The following RGS22 variants were observed in gnomAD, a reference collection of about 807,000 sequenced individuals.
The protein encoded by RGS22 is regulator of G protein signaling 22, also known as regulator of G-protein signaling 22.
In RGS22, 148 loss-of-function variants were observed where a neutral mutation model predicts 172.9. That is an observed-to-expected ratio of 0.86 (90% CI 0.75 to 0.98). The LOEUF (loss-of-function observed/expected upper bound fraction) is 0.98, where lower values mean the gene tolerates loss of function less well. RGS22 is among the 50% of genes least tolerant of loss of function. The pLI is 0.00. For synonymous variants in RGS22, 458 were observed against 480.2 expected, an observed-to-expected ratio of 0.95 and a Z score of 0.60; for missense variants, 1,347 against 1,440.8, an observed-to-expected ratio of 0.93 and a Z score of 1.05.
At chr8:99,971,766 A>G (rs1811381270) in intron 23 of RGS22, among the ~76,000 whole-genome samples, 1 of 152,240 alleles carries the variant, frequency 6.6e-6, no homozygotes, top group Non-Finnish European at 1.5e-5. Context: ...GCTCATGGAT[A>G]GGAAGAATCA....
chr8:99,989,258 G>A (rs547079550), intron 20 of RGS22, among the ~76,000 whole-genome samples: 2 of 152,162 alleles, frequency 1.3e-5, no homozygotes, highest in Admixed American at 6.5e-5. Context: ...ACCTGCAGAA[G>A]GATAAATACA....
intron 10 of RGS22, among the ~76,000 whole-genome samples, chr8:100,050,602 G>T (rs907595688): frequency 2.0e-5 from 3 of 152,132 alleles, no homozygotes; most frequent in Non-Finnish European, 4.4e-5. Context: ...CAGTTAACAG[G>T]TGACACCTTT....
At chr8:100,094,523 T>C (rs1317888960) in intron 2 of RGS22, among the ~76,000 whole-genome samples, 1 of 152,148 alleles carries the variant, frequency 6.6e-6, no homozygotes, top group Non-Finnish European at 1.5e-5. Context: ...TTATAAACAA[T>C]CACTTATAGA....
At chr8:100,072,064 G>A (rs756492969) in intron 5 of RGS22, 81 bp downstream of exon 5, 8 of 785,618 alleles carry the variant, frequency 1.0e-5, no homozygotes, top group Admixed American at 5.1e-5. Flanking sequence ...CACACATGGT[G>A]GCATACAGCT....
chr8:100,070,914 A>G (rs1470336020), intron 6 of RGS22, among the ~76,000 whole-genome samples: 2 of 151,224 alleles, frequency 1.3e-5, no homozygotes, highest in Non-Finnish European at 2.9e-5. Flanking sequence ...GCATAAATCT[A>G]TAAGAAGTAT....
rs779884584 is a variant in RGS22, at chr8:100,053,999, C to T, written c.1515-1023G>A. Among the ~76,000 whole-genome samples, 3 of 152,256 alleles carry T rather than the reference C, an allele frequency of 2.0e-5. No individual in the cohort carries two copies. In the South Asian group the frequency reaches 6.2e-4, roughly 32 times the overall value. On this transcript the variant is annotated intron_variant, in intron 9 of 27. Transcript: ENST00000360863. ...GGTTATAATGCATACTATTTATTTT[C>T]AAGCCTTAAATTTGAAGGTAAGAAT...
chr8:99,996,527 G>A lies in RGS22; in HGVS notation c.2953C>T (p.Gln985Ter). The change falls in exon 20 of 28, where the codon CAG (glutamine) becomes TAG (stop). Residue 985 changes from glutamine to a stop codon, truncating the protein, a stop_gained. Coordinates refer to ENST00000360863, the MANE Select transcript of RGS22 (RefSeq NM_015668.5). LOFTEE classifies it high-confidence loss of function. ...QFAARQKIKV[Q>*]MKDIAEELLL... The stretch of plus-strand genomic sequence containing the variant: ...AGCTCTTCTGCTATGTCTTTCATCT[G>A]TACCTGAAAGCAAAACCAATTATTT... The A allele has an allele frequency of 6.2e-7, 1 of 1,611,914 alleles. No individual in the cohort carries two copies. The highest frequency in any genetic ancestry group is 1.1e-5 in the South Asian group (1 of 90,742).
chr8:99,967,859 C>T (rs1810917404), intron 23 of RGS22, among the ~76,000 whole-genome samples: 1 of 152,210 alleles, frequency 6.6e-6, no homozygotes, highest in African/African-American at 2.4e-5. Flanking sequence ...CAAAAGATCT[C>T]CCAGCACAGT....
intron 10 of RGS22, among the ~76,000 whole-genome samples, chr8:100,047,962 TG>T (rs33995754): frequency 0.66 from 99,890 of 150,362 alleles, 33,795 homozygotes; most frequent in African/African-American, 0.81. Flanking sequence ...GTGTGTGTAC[TG>T]GGGGGGGGTG....
At chr8:100,085,795 G>C (rs1812114793) in intron 3 of RGS22, among the ~76,000 whole-genome samples, 1 of 152,178 alleles carries the variant, frequency 6.6e-6, no homozygotes, top group Admixed American at 6.5e-5. Context: ...CATACACATA[G>C]ATTGGTACAA....
In RGS22 at chr8:100,045,541, A is replaced by G. The variant is rs138875261; in HGVS notation, c.1823+1922T>C. On this transcript the variant is annotated intron_variant, in intron 11 of 27. Coordinates refer to ENST00000360863, the MANE Select transcript of RGS22 (RefSeq NM_015668.5). ...CTGTTTTTAAAATATATGTTTAGAA[A>G]GGGTAATGCATACTATGTTGGTGAA... Among the ~76,000 whole-genome samples the G allele has an allele frequency of 2.6e-3, 400 of 152,222 alleles. 2 individuals carry two copies. The highest frequency in any genetic ancestry group is 9.3e-3 in the African/African-American group (387 of 41,568).
chr8:99,976,363 T>C (rs1345867438), intron 23 of RGS22, among the ~76,000 whole-genome samples: 1 of 152,116 alleles, frequency 6.6e-6, no homozygotes. Flanking sequence ...TGTTTGTTTG[T>C]TTGTTTGTTT....
rs1193130267 is a variant in RGS22 at position 99,992,443 on chromosome 8, C to CA, written c.3018+4018dup. 5.0e-4 allele frequency among the ~76,000 whole-genome samples: 76 copies of CA among 151,314 alleles called. 1 individual carries two copies. The highest frequency in any genetic ancestry group is 1.6e-3 in the African/African-American group (67 of 41,264). ...GAAGATCTATCAAGCAAATGTAAAG[C>CA]AAAAAAAAGCAGGGTTTGCAATCCT... On this transcript the variant is annotated intron_variant, in intron 20 of 27. Coordinates refer to ENST00000360863, the MANE Select transcript of RGS22 (RefSeq NM_015668.5).
At position 99,965,437 on chromosome 8, in the gene RGS22, T is replaced by C. The variant is rs766497258; in HGVS notation, c.3520-7A>G. The C allele has an allele frequency of 2.6e-6, 4 of 1,554,774 alleles. No individual in the cohort carries two copies. The highest frequency in any genetic ancestry group is 1.4e-5 in the African/African-American group (1 of 73,324). On this transcript the variant is annotated splice_region_variant and splice_polypyrimidine_tract_variant and intron_variant, in intron 23 of 27. Transcript: ENST00000360863. ...CATATTGTTTGATTCCATCCTGTAATTATATTAAATTAAATTATTACCCAG... is the reference window on the plus strand; with the variant it reads ...CATATTGTTTGATTCCATCCTGTAACTATATTAAATTAAATTATTACCCAG...
intron 6 of RGS22, among the ~76,000 whole-genome samples, chr8:100,070,674 T>C (rs1307664732): frequency 6.6e-6 from 1 of 152,248 alleles, no homozygotes; most frequent in Admixed American, 6.5e-5. Flanking sequence ...TTAAATCATA[T>C]GTAGTTATGC....
intron 18 of RGS22, 42 bp downstream of exon 18, chr8:100,002,160 T>C: frequency 6.9e-7 from 1 of 1,448,262 alleles, no homozygotes; most frequent in Non-Finnish European, 9.2e-7. Context: ...AAAATACCGG[T>C]TTTCAAACAT....
Position 99,993,256 on chromosome 8 carries a change from C to A in RGS22, c.3018+3206G>T, listed in dbSNP as rs184982012. On this transcript the variant is annotated intron_variant, in intron 20 of 27. Transcript: ENST00000360863. ...TCAAAAGCTAGCAGAAGGCAAGAAACAACTAAGATCAGAGCAGAACTGAAA... is the reference window on the plus strand; with the variant it reads ...TCAAAAGCTAGCAGAAGGCAAGAAAAAACTAAGATCAGAGCAGAACTGAAA... Among the ~76,000 whole-genome samples, 118 of 151,890 alleles carry A rather than the reference C, an allele frequency of 7.8e-4. 1 individual carries two copies. In the East Asian group the frequency reaches 0.022, roughly 29 times the overall value.
intron 23 of RGS22, among the ~76,000 whole-genome samples, chr8:99,969,581 C>T (rs1811112355): frequency 6.6e-6 from 1 of 150,976 alleles, no homozygotes; most frequent in Non-Finnish European, 1.5e-5. Flanking sequence ...GGTTGCAATT[C>T]TAGTCTCTGA....
At chr8:100,088,092 C>T (rs1300221299) in intron 3 of RGS22, among the ~76,000 whole-genome samples, 1 of 152,068 alleles carries the variant, frequency 6.6e-6, no homozygotes, top group African/African-American at 2.4e-5. Flanking sequence ...AATATACTCT[C>T]TCTTTCTCCC....
Sources: gnomAD v4.1 joint callset for allele counts (sites outside exome capture counted in the v4.1 genomes callset) on GRCh38, gnomAD v4.1.1 for gene constraint, MANE v1.5 for transcripts, NCBI Gene and HGNC (gene_info 2026-07-23, HGNC 2026-07-21) for gene names.